Variants in PIGH observed in about 807,000 individuals in gnomAD.
The protein encoded by PIGH is phosphatidylinositol glycan anchor biosynthesis class H, also known as phosphatidylinositol N-acetylglucosaminyltransferase subunit H.
A neutral mutation model predicts 20.1 loss-of-function variants in PIGH; 11 were observed. The observed-to-expected ratio is 0.55, with a 90% CI of 0.34 to 0.91. The LOEUF is 0.91. Ranked by LOEUF, PIGH falls within the 40% of genes least tolerant of loss-of-function variation. PIGH has a pLI of 0.02. For missense variants in PIGH, 189 were observed against 233.6 expected (o/e 0.81, Z 1.24); for synonymous variants, 72 against 93.1 (o/e 0.77, Z 1.31).
At chr14:67,590,552 T>G (rs2140600350) in intron 3 of PIGH, among the ~76,000 whole-genome samples, 1 of 152,244 alleles carries the variant, frequency 6.6e-6, no homozygotes, top group South Asian at 2.1e-4. Flanking sequence ...AGAGACAGGG[T>G]TTCACCATGT....
chr14:67,593,924 A>C lies in PIGH; in HGVS notation c.209T>G (p.Phe70Cys), dbSNP rs1259849113. 1 of 1,612,962 alleles carries C rather than the reference A, an allele frequency of 6.2e-7. No individual in the cohort carries two copies. The highest frequency in any genetic ancestry group is 8.5e-7 in the Non-Finnish European group (1 of 1,179,226). ...ACCAAGCAGACCTAAGAGGGTGATG[A>C]AGATGGCAGCAGAGAGGATCATGCT... ...ENSMILSAAI[F>C]ITLLGLLGYL... Residue 70 changes from phenylalanine (F) to cysteine (C), a missense_variant, in exon 2 of 4, where the codon TTC (phenylalanine) becomes TGC (cysteine). Coordinates refer to ENST00000216452, the MANE Select transcript of PIGH (RefSeq NM_004569.5).
chr14:67,596,620 A>T (rs907622565), intron 1 of PIGH, among the ~76,000 whole-genome samples: 2 of 152,088 alleles, frequency 1.3e-5, no homozygotes, highest in African/African-American at 4.8e-5. Flanking sequence ...CTAGGCCCTG[A>T]CCTTGACATC....
rs190414781 is a variant in PIGH, at chr14:67,599,649, G to A, written c.180+375C>T. Among the ~76,000 whole-genome samples the A allele has an allele frequency of 2.3e-3, 352 of 152,284 alleles. 4 individuals carry two copies. Among genetic ancestry groups the A allele is most frequent in the Middle Eastern group, 3.4e-3 (1 of 294 alleles). On this transcript the variant is annotated intron_variant, in intron 1 of 3. Transcript: ENST00000216452. ...TACTACTTTGAGGAGCAGAAGGGAT[G>A]GACGAGGAAGACCCACTTAGTAGTT...
At chr14:67,591,989 A>T (rs1402117271) in intron 3 of PIGH, 1 of 152,254 alleles carries the variant, frequency 6.6e-6, no homozygotes, top group African/African-American at 2.4e-5. Flanking sequence ...CATACATATT[A>T]AATTATTTAC....
At chr14:67,597,320 A>T (rs2036492771) in intron 1 of PIGH, among the ~76,000 whole-genome samples, 1 of 152,092 alleles carries the variant, frequency 6.6e-6, no homozygotes, top group Admixed American at 6.5e-5. Flanking sequence ...TCTACAAAAA[A>T]TACAAAAATT....
Position 67,589,479 on chromosome 14 carries a change from T to C in PIGH, c.*601A>G, listed in dbSNP as rs1195288737. ...AAAAGTATTAATGTGCTTGACACCA[T>C]GACTGAAATACTATGATCTTGTTTG... is the stretch of plus-strand genomic sequence containing the variant. On this transcript the variant is annotated 3_prime_UTR_variant, in exon 4 of 4. Transcript: ENST00000216452. 1 of 985,138 alleles carries C rather than the reference T, an allele frequency of 1.0e-6. No individual in the cohort carries two copies. The highest frequency in any genetic ancestry group is 1.2e-6 in the Non-Finnish European group (1 of 829,624). 61.0% of individuals were successfully genotyped at this position (985,138 alleles called of 1,614,324 possible). A position where few individuals can be genotyped will look rare whatever the true frequency, so the allele number is the denominator to read the frequency against.
chr14:67,599,395 G>A (rs554787553), intron 1 of PIGH, among the ~76,000 whole-genome samples: 1 of 152,266 alleles, frequency 6.6e-6, no homozygotes, highest in East Asian at 1.9e-4. Context: ...GAGAAAACAG[G>A]AATGAATCTG....
intron 1 of PIGH, among the ~76,000 whole-genome samples, chr14:67,596,374 C>G (rs1422055133): frequency 7.1e-6 from 1 of 140,038 alleles, no homozygotes; most frequent in Non-Finnish European, 1.5e-5. Context: ...CTCCTGACCT[C>G]AGGCAATCCA....
At chr14:67,597,201 G>A (rs1480528526) in intron 1 of PIGH, among the ~76,000 whole-genome samples, 3 of 152,228 alleles carry the variant, frequency 2.0e-5, no homozygotes, top group Admixed American at 2.0e-4. Flanking sequence ...GTTTGGGCCA[G>A]GCATGGTGGC....
intron 1 of PIGH, among the ~76,000 whole-genome samples, chr14:67,596,448 G>A (rs2036476686): frequency 6.6e-6 from 1 of 151,782 alleles, no homozygotes; most frequent in Non-Finnish European, 1.5e-5. Context: ...GCAAAGCTAT[G>A]ATTTAGAAGA....
chr14:67,596,742 C>A (rs2036482706), intron 1 of PIGH, among the ~76,000 whole-genome samples: 1 of 152,172 alleles, frequency 6.6e-6, no homozygotes, highest in Admixed American at 6.5e-5. Flanking sequence ...CAGCAAGAAT[C>A]CTGTCAAGTC....
chr14:67,590,249 A>C, intron 3 of PIGH, 77 bp from the exon 4 acceptor site: 1 of 733,186 alleles, frequency 1.4e-6, no homozygotes. Flanking sequence ...CCACTTGCAA[A>C]TTTTTTTTTT....
At position 67,600,260 on chromosome 14, in the gene PIGH, G is replaced by A; in HGVS notation, c.-57C>T. 7.1e-7 allele frequency: 1 copy of A among 1,414,842 alleles called. No individual in the cohort carries two copies. Among genetic ancestry groups the A allele is most frequent in the South Asian group, 1.4e-5 (1 of 70,274 alleles). 87.6% of individuals were successfully genotyped at this position (1,414,842 alleles called of 1,614,324 possible). A position where few individuals can be genotyped will look rare whatever the true frequency, so the allele number is the denominator to read the frequency against. On this transcript the variant is annotated 5_prime_UTR_variant, in exon 1 of 4. Coordinates refer to ENST00000216452, the MANE Select transcript of PIGH (RefSeq NM_004569.5). ...GCGCTGCACTGCGCTCGCCGGCCCT[G>A]GCCGTCTCGCCCGCTCCAGACCCGC...
At position 67,589,725 on chromosome 14, in the gene PIGH, G is replaced by C. The variant is rs368139099; in HGVS notation, c.*355C>G. On this transcript the variant is annotated 3_prime_UTR_variant, in exon 4 of 4. Transcript: ENST00000216452. ...AAAATATAGCTTTCTCAAGACATCT[G>C]ATGTCAGTTTCCCATTGTTTTGCTT... 6 of 1,008,860 alleles carry C rather than the reference G, an allele frequency of 5.9e-6. No individual in the cohort carries two copies. Among genetic ancestry groups the C allele is most frequent in the Non-Finnish European group, 7.1e-6 (6 of 845,402 alleles). 62.5% of individuals were successfully genotyped at this position (1,008,860 alleles called of 1,614,324 possible).
chr14:67,595,555 G>A (rs2036458125), intron 1 of PIGH, among the ~76,000 whole-genome samples: 1 of 152,206 alleles, frequency 6.6e-6, no homozygotes, highest in African/African-American at 2.4e-5. Context: ...TTCTGCCAAT[G>A]ACTGCTTTAA....
intron 1 of PIGH, among the ~76,000 whole-genome samples, chr14:67,599,522 A>C (rs985196849): frequency 6.6e-6 from 1 of 152,194 alleles, no homozygotes; most frequent in Non-Finnish European, 1.5e-5. Context: ...AAAAACAGAG[A>C]TTAGGAAGAA....
chr14:67,593,024 T>C (rs2036404965), intron 2 of PIGH, among the ~76,000 whole-genome samples: 1 of 152,184 alleles, frequency 6.6e-6, no homozygotes, highest in Admixed American at 6.5e-5. Context: ...CGACCTTAGG[T>C]GATCCGCCTG....
chr14:67,593,117 A>G (rs12897715), intron 2 of PIGH: 123,353 of 166,042 alleles, frequency 0.74, 46,770 homozygotes, highest in Middle Eastern at 0.83. Flanking sequence ...AAGGCTCAAC[A>G]CTTTTTCACA....
intron 3 of PIGH, chr14:67,592,266 C>A (rs1448186037): frequency 1.0e-5 from 4 of 396,106 alleles, no homozygotes; most frequent in South Asian, 5.8e-5. Flanking sequence ...AAGACCTCAT[C>A]TCTACTAAAA....
Sources: allele counts gnomAD v4.1 joint callset (sites outside exome capture counted in the v4.1 genomes callset), GRCh38; gene constraint gnomAD v4.1.1; transcripts MANE v1.5; gene names NCBI Gene and HGNC (gene_info 2026-07-23, HGNC 2026-07-21).